The following IL27 variants were observed in gnomAD, a reference collection of about 807,000 sequenced individuals.
IL27 encodes interleukin 27, also known as interleukin-27 subunit alpha.
IL27 carries 11 observed loss-of-function variants against 27.0 expected under a neutral mutation model. The ratio of observed to expected loss-of-function variants is 0.41; its 90% confidence interval spans 0.26 to 0.67. IL27 has a LOEUF of 0.67. Among genes scored for constraint, IL27 ranks in the 30% least tolerant of loss-of-function variants. The pLI is 0.34. For missense variants in IL27, 299 were observed against 310.4 expected (o/e 0.96, Z 0.28); for synonymous variants, 134 against 140.6 (o/e 0.95, Z 0.33).
intron 1 of IL27, among the ~76,000 whole-genome samples, chr16:28,505,398 G>A (rs153110): frequency 0.14 from 20,886 of 151,844 alleles, 1,532 homozygotes; most frequent in East Asian, 0.3. Flanking sequence ...GTGCAGTGGC[G>A]CGATCTCGAC....
intron 1 of IL27, among the ~76,000 whole-genome samples, chr16:28,504,998 A>C (rs1427495334): frequency 6.6e-6 from 1 of 152,234 alleles, no homozygotes; most frequent in East Asian, 1.9e-4. Flanking sequence ...TTTGCAGGTG[A>C]GGCTCAGTGA....
intron 1 of IL27, among the ~76,000 whole-genome samples, 180 bp downstream of exon 1, chr16:28,506,601 C>T (rs2046462228): frequency 1.3e-5 from 2 of 152,048 alleles, no homozygotes; most frequent in African/African-American, 2.4e-5. Context: ...AGACCACCAC[C>T]CCACTGCCCC....
intron 3 of IL27, among the ~76,000 whole-genome samples, chr16:28,502,534 T>A (rs1363292416): frequency 6.6e-6 from 1 of 151,494 alleles, no homozygotes; most frequent in African/African-American, 2.4e-5. Flanking sequence ...GTGCCCAGAC[T>A]CACTCTTTCC....
intron 4 of IL27, 27 bp from the exon 5 acceptor site, chr16:28,499,947 A>G: frequency 1.3e-6 from 2 of 1,522,864 alleles, no homozygotes; most frequent in Non-Finnish European, 1.8e-6. Context: ...TGGGTCAGGG[A>G]GGGGCCAGGC....
At chr16:28,502,885 C>A (rs541351584) in intron 3 of IL27, among the ~76,000 whole-genome samples, 2 of 152,130 alleles carry the variant, frequency 1.3e-5, no homozygotes, top group African/African-American at 4.8e-5. Flanking sequence ...TGCAGTGGCG[C>A]GATCTCATCT....
chr16:28,505,704 C>T (rs999826262), intron 1 of IL27, among the ~76,000 whole-genome samples: 4 of 152,126 alleles, frequency 2.6e-5, no homozygotes, highest in Non-Finnish European at 2.9e-5. Flanking sequence ...AAGAGGGCAG[C>T]ATTCATCAAT....
At position 28,506,361 on chromosome 16, in the gene IL27, G is replaced by A. The variant is rs911693920; in HGVS notation, c.31+420C>T. 4.6e-5 allele frequency among the ~76,000 whole-genome samples: 7 copies of A among 152,294 alleles called. No homozygotes were observed. The South Asian group carries it at 6.2e-4, about 14-fold the overall frequency. ...CATCAAACTAAAGACCTTTGACCCA[G>A]TGAGGCTGCTGACATCTTGGTCCCA... On this transcript the variant is annotated intron_variant, in intron 1 of 4. Transcript: ENST00000356897.
chr16:28,503,607 CATCTCCAGCTCA>C, intron 3 of IL27, 76 bp downstream of exon 3: 1 of 908,452 alleles, frequency 1.1e-6, no homozygotes. Context: ...ATCCCCAATG[CATCTCCAGCTCA>C]ATCTCCAGCC....
chr16:28,505,342 CT>C (rs5816473), intron 1 of IL27, among the ~76,000 whole-genome samples: 64,328 of 148,120 alleles, frequency 0.43, 14,230 homozygotes, highest in Admixed American at 0.48. Flanking sequence ...AGTATGGGAG[CT>C]TTTTTTTTTT....
chr16:28,501,452 ACT>A (rs148427158), intron 4 of IL27, among the ~76,000 whole-genome samples: 8,879 of 148,524 alleles, frequency 0.06, 290 homozygotes, highest in East Asian at 0.11. Flanking sequence ...ACACCCACAC[ACT>A]CACACACTCA....
rs546624394 is a variant in IL27 at position 28,506,000 on chromosome 16, C to T, written c.31+781G>A. ...CAGACTCCCTGGTTTTGGGGCCACTCGGACCCTCTGACATCCTGGAGACTT... is the reference window on the plus strand; with the variant it reads ...CAGACTCCCTGGTTTTGGGGCCACTTGGACCCTCTGACATCCTGGAGACTT... On this transcript the variant is annotated intron_variant, in intron 1 of 4. Coordinates refer to ENST00000356897, the MANE Select transcript of IL27 (RefSeq NM_145659.3). Among the ~76,000 whole-genome samples, 37 of 152,244 alleles carry T rather than the reference C, an allele frequency of 2.4e-4. No individual in the cohort carries two copies. In the South Asian group the frequency reaches 6.4e-3, roughly 26 times the overall value.
intron 1 of IL27, among the ~76,000 whole-genome samples, chr16:28,506,148 A>G (rs374730271): frequency 5.9e-5 from 9 of 152,230 alleles, no homozygotes; most frequent in African/African-American, 2.2e-4. Context: ...TGGAGACCCC[A>G]GACCCCCTCC....
At chr16:28,506,664 T>C in intron 1 of IL27, 117 bp downstream of exon 1, 3 of 1,000,566 alleles carry the variant, frequency 3.0e-6, no homozygotes, top group Non-Finnish European at 4.4e-6. Context: ...GCCAGCCGAA[T>C]CCTCAGTCTT....
intron 4 of IL27, 80 bp downstream of exon 4, chr16:28,501,896 C>CA: frequency 6.7e-7 from 1 of 1,491,374 alleles, no homozygotes; most frequent in South Asian, 1.2e-5. Context: ...CACACACACT[C>CA]AGAGCATGGG....
chr16:28,499,595 A>G lies in IL27; in HGVS notation c.*56T>C. 2 of 1,441,544 alleles carry G rather than the reference A, an allele frequency of 1.4e-6. No individual in the cohort carries two copies. The highest frequency in any genetic ancestry group is 1.9e-6 in the Non-Finnish European group (2 of 1,050,994). The allele number at this position is 1,441,544 out of a possible 1,614,324, so 89.3% of individuals were successfully genotyped here. On this transcript the variant is annotated 3_prime_UTR_variant, in exon 5 of 5. Transcript: ENST00000356897. ...TGATGCGAAGGCTGCCCTGATGCCAAGACTCCAGTCCTAAAGTTCTAAAGG... is the reference window on the plus strand; with the variant it reads ...TGATGCGAAGGCTGCCCTGATGCCAGGACTCCAGTCCTAAAGTTCTAAAGG...
chr16:28,502,134 C>T lies in IL27; in HGVS notation c.304G>A (p.Asp102Asn). 1 of 1,596,356 alleles carries T rather than the reference C, an allele frequency of 6.3e-7. No individual in the cohort carries two copies. Among genetic ancestry groups the T allele is most frequent in the Non-Finnish European group, 8.5e-7 (1 of 1,170,952 alleles). The change falls in exon 4 of 5, where the codon GAC becomes AAC. Residue 102 changes from aspartate to asparagine, a missense_variant and splice_region_variant. Coordinates refer to ENST00000356897, the MANE Select transcript of IL27 (RefSeq NM_145659.3). Reference sequence around the variant, plus strand: ...GAGATGAAGCAGAGACGCTCCGGGTCCTGAAGGGGAGGGAGATGGTCAGGA... The same window carrying T: ...GAGATGAAGCAGAGACGCTCCGGGTTCTGAAGGGGAGGGAGATGGTCAGGA... ...LTFQAWRRLS[D>N]PERLCFISTT...
intron 1 of IL27, among the ~76,000 whole-genome samples, chr16:28,505,811 C>T (rs2046457870): frequency 6.6e-6 from 1 of 152,216 alleles, no homozygotes; most frequent in Non-Finnish European, 1.5e-5. Context: ...CCTGCTCTCC[C>T]TTCTCTCCCT....
chr16:28,503,599 C>T, intron 3 of IL27, 96 bp downstream of exon 3: 1 of 849,266 alleles, frequency 1.2e-6, no homozygotes, highest in Non-Finnish European at 1.9e-6. Flanking sequence ...CAGGTTCTAT[C>T]CCCAATGCAT....
intron 4 of IL27, 38 bp downstream of exon 4, chr16:28,501,938 C>T: frequency 6.3e-7 from 1 of 1,581,368 alleles, no homozygotes; most frequent in East Asian, 2.3e-5. Flanking sequence ...TCTTCTTTCC[C>T]ACGTGGTCTG....
Sources: allele counts gnomAD v4.1 joint callset (sites outside exome capture counted in the v4.1 genomes callset), GRCh38; gene constraint gnomAD v4.1.1; transcripts MANE v1.5; gene names NCBI Gene and HGNC (gene_info 2026-07-23, HGNC 2026-07-21).